PPP2R3C: variants seen among roughly 807,000 people sequenced by gnomAD.
PPP2R3C encodes the protein serine/threonine-protein phosphatase 2A regulatory subunit B'' subunit gamma.
A neutral mutation model predicts 63.7 loss-of-function variants in PPP2R3C; 47 were observed. The ratio of observed to expected loss-of-function variants is 0.74; its 90% CI spans 0.58 to 0.94. The LOEUF (loss-of-function observed/expected upper bound fraction) is 0.94, where lower values mean the gene tolerates loss of function less well. Among genes scored for constraint, PPP2R3C ranks in the 40% least tolerant of loss-of-function variants. The probability of loss-of-function intolerance (pLI) is 0.00; values close to 1 mark genes in which losing one functional copy is unlikely to be tolerated. For synonymous variants in PPP2R3C, 180 were observed against 177.4 expected, an observed-to-expected ratio of 1.01 and a Z score of -0.12; for missense variants, 421 against 518.4, an observed-to-expected ratio of 0.81 and a Z score of 1.82.
intron 11 of PPP2R3C, 39 bp downstream of exon 11, chr14:35,091,031 C>T: frequency 6.4e-7 from 1 of 1,559,908 alleles, no homozygotes; most frequent in Non-Finnish European, 8.8e-7. Flanking sequence ...AATGATATAT[C>T]TTAAGGAACA....
intron 4 of PPP2R3C, 151 bp downstream of exon 4, chr14:35,109,668 C>G: frequency 1.9e-6 from 1 of 534,122 alleles, no homozygotes; most frequent in South Asian, 2.6e-5. Flanking sequence ...GTTGCCCAGG[C>G]TGGCCTCAAA....
chr14:35,095,851 C>CAA (rs59775301), intron 9 of PPP2R3C, among the ~76,000 whole-genome samples: 4,493 of 40,436 alleles, frequency 0.11, 233 homozygotes, highest in African/African-American at 0.18. Flanking sequence ...ACTCTATCTC[C>CAA]AAAAAAAAAA....
chr14:35,102,998 G>A (rs1389556021), intron 6 of PPP2R3C, among the ~76,000 whole-genome samples: 5 of 152,120 alleles, frequency 3.3e-5, no homozygotes, highest in Non-Finnish European at 5.9e-5. Context: ...GAGCTCAAGC[G>A]ATCCACCTGC....
intron 9 of PPP2R3C, among the ~76,000 whole-genome samples, chr14:35,095,967 T>C (rs1169235131): frequency 4.7e-5 from 7 of 148,078 alleles, no homozygotes; most frequent in East Asian, 4.1e-4. Context: ...AGCATGACAA[T>C]AGCTAATGTT....
rs557527630 is a variant in PPP2R3C at position 35,121,107 on chromosome 14, G to A, written c.58+795C>T. Among the ~76,000 whole-genome samples, 42 of 152,218 alleles carry A rather than the reference G, an allele frequency of 2.8e-4. No individual in the cohort carries two copies. The South Asian group carries it at 6.6e-3, about 24-fold the overall frequency. ...AAAGTGAGATAACTCGGCGGGGCGC[G>A]GTGACTCACGTCTGTAATTCCAGCA... On this transcript the variant is annotated intron_variant, in intron 1 of 12. Coordinates refer to ENST00000261475, the MANE Select transcript of PPP2R3C (RefSeq NM_017917.4).
chr14:35,102,027 CT>C (rs1440773802), intron 6 of PPP2R3C: 4 of 92,642 alleles, frequency 4.3e-5, no homozygotes, highest in Non-Finnish European at 8.9e-5. Context: ...GTTTCTCTCT[CT>C]CTTTTTTTTT....
chr14:35,109,486 TA>T (rs1401760890), intron 4 of PPP2R3C, among the ~76,000 whole-genome samples: 4 of 152,156 alleles, frequency 2.6e-5, no homozygotes, highest in Admixed American at 2.0e-4. Flanking sequence ...AGGATTTGTT[TA>T]TTTTTTTTAA....
intron 1 of PPP2R3C, among the ~76,000 whole-genome samples, chr14:35,117,852 G>A (rs1380690395): frequency 1.3e-5 from 2 of 151,960 alleles, no homozygotes; most frequent in Admixed American, 6.6e-5. Flanking sequence ...GTGCCACCAC[G>A]CCTGGCTAAT....
At chr14:35,113,636 A>C (rs1258016655) in intron 2 of PPP2R3C, among the ~76,000 whole-genome samples, 1 of 152,146 alleles carries the variant, frequency 6.6e-6, no homozygotes, top group Non-Finnish European at 1.5e-5. Flanking sequence ...TACCTCACTG[A>C]CACCATAATG....
intron 2 of PPP2R3C, among the ~76,000 whole-genome samples, chr14:35,112,290 G>A (rs1380986202): frequency 6.6e-6 from 1 of 152,098 alleles, no homozygotes; most frequent in Admixed American, 6.6e-5. Context: ...AATAATAGAG[G>A]CAGGGTCTTG....
In PPP2R3C at chr14:35,099,324, T is replaced by C. The variant is rs1488329176; in HGVS notation, c.634A>G (p.Lys212Glu). ...PTLPQLDGLE[K>E]SFYSFYVCTA... ...CAAACATAAAAGGAGTAGAAAGATT[T>C]TTCCAGACCATCTAATTGTGGCAAC... is the stretch of plus-strand genomic sequence containing the variant. The change falls in exon 7 of 13, where the codon AAA becomes GAA. Residue 212 changes from lysine to glutamate, a missense_variant. Lys to Glu is a moderately conservative substitution (Grantham distance 56). Around this residue, in one of 3 missense-constraint regions of PPP2R3C, gnomAD observed 47 missense variants for 102.3 expected, o/e 0.46. Transcript: ENST00000261475. 2 of 1,603,190 alleles carry C rather than the reference T, an allele frequency of 1.2e-6. No homozygotes were observed. Among genetic ancestry groups the C allele is most frequent in the Non-Finnish European group, 1.7e-6 (2 of 1,177,762 alleles).
At chr14:35,091,668 T>C (rs572134428) in intron 10 of PPP2R3C, among the ~76,000 whole-genome samples, 4 of 151,464 alleles carry the variant, frequency 2.6e-5, no homozygotes, top group South Asian at 2.1e-4. Flanking sequence ...TGCCCAGCCA[T>C]AGGAATTCTA....
At position 35,116,761 on chromosome 14, in the gene PPP2R3C, G is replaced by A; in HGVS notation, c.59-24C>T. The A allele has an allele frequency of 3.3e-6, 5 of 1,531,284 alleles. No individual in the cohort carries two copies. In the South Asian group the frequency reaches 4.9e-5, roughly 15 times the overall value. 94.9% of individuals were successfully genotyped at this position (1,531,284 alleles called of 1,614,324 possible). ...TTCTGGTAACAAAACAGATTAAGGG[G>A]AGCACTTTTAAAATCAAGCAGTACT... On this transcript the variant is annotated intron_variant, in intron 1 of 12. Coordinates refer to ENST00000261475, the MANE Select transcript of PPP2R3C (RefSeq NM_017917.4).
At chr14:35,117,095 T>G in intron 1 of PPP2R3C, 1 of 455,938 alleles carries the variant, frequency 2.2e-6, no homozygotes. Flanking sequence ...AACGCTGTAG[T>G]AGACACGGAA....
intron 2 of PPP2R3C, among the ~76,000 whole-genome samples, chr14:35,112,029 G>A (rs769751105): frequency 2.0e-5 from 3 of 152,194 alleles, no homozygotes; most frequent in African/African-American, 4.8e-5. Flanking sequence ...AGAAGAACCT[G>A]TTGGGTGGTT....
rs560682637 is a variant in PPP2R3C, at chr14:35,096,782, AAC to A, written c.707-20_707-19del. 300 of 1,551,944 alleles carry A rather than the reference AAC, an allele frequency of 1.9e-4. No homozygotes were observed. The African/African-American group carries it at 3.9e-3, about 20-fold the overall frequency. On this transcript the variant is annotated intron_variant, in intron 7 of 12. Transcript: ENST00000261475. ...TATCTTTCCTTTAAGAACATAAAGA[AAC>A]ACAATTAATTTCATTTTAAGAAAAG...
At chr14:35,119,837 T>G (rs1229434087) in intron 1 of PPP2R3C, among the ~76,000 whole-genome samples, 3 of 144,934 alleles carry the variant, frequency 2.1e-5, no homozygotes, top group African/African-American at 7.6e-5. Flanking sequence ...AATAGGAGCA[T>G]GGACAGTTCA....
chr14:35,095,851 C>CA (rs59775301), intron 9 of PPP2R3C, among the ~76,000 whole-genome samples: 9,418 of 40,190 alleles, frequency 0.23, 829 homozygotes, highest in East Asian at 0.33. Flanking sequence ...ACTCTATCTC[C>CA]AAAAAAAAAA....
At chr14:35,098,872 T>G in intron 7 of PPP2R3C, 1 of 158,266 alleles carries the variant, frequency 6.3e-6, no homozygotes. Context: ...TACATATTTT[T>G]CATCAAAAAG....
Sources: gnomAD v4.1 joint callset for allele counts (sites outside exome capture counted in the v4.1 genomes callset) on GRCh38, gnomAD v4.1.1 for gene constraint, gnomAD v4.1.1 regional missense constraint, MANE v1.5 for transcripts, NCBI Gene and HGNC (gene_info 2026-07-23, HGNC 2026-07-21) for gene names.